Variants in COL14A1 observed in about 807,000 individuals in gnomAD.
The protein encoded by COL14A1 is collagen alpha-1(XIV) chain.
Under a neutral mutation model 230.3 loss-of-function variants are expected in COL14A1, and 136 were observed. The observed-to-expected ratio is 0.59, with a 90% CI of 0.51 to 0.68. The LOEUF is 0.68. Ranked by LOEUF, COL14A1 falls within the 30% of genes least tolerant of loss-of-function variation. The probability of loss-of-function intolerance (pLI) is 0.00; values close to 1 mark genes in which losing one functional copy is unlikely to be tolerated. For synonymous variants in COL14A1, 792 were observed against 784.1 expected, an observed-to-expected ratio of 1.01 and a Z score of -0.17; for missense variants, 1,976 against 2,215.8, an observed-to-expected ratio of 0.89 and a Z score of 2.17.
At chr8:120,292,829 T>C (rs979896308) in intron 34 of COL14A1, among the ~76,000 whole-genome samples, 8 of 152,094 alleles carry the variant, frequency 5.3e-5, no homozygotes, top group South Asian at 2.1e-4. Context: ...AGAAACTGTA[T>C]TCTTTTTAAA....
At chr8:120,254,777 G>A (rs1819084898) in intron 22 of COL14A1, among the ~76,000 whole-genome samples, 1 of 143,574 alleles carries the variant, frequency 7.0e-6, no homozygotes, top group African/African-American at 2.6e-5. Context: ...TTGAGCTCAG[G>A]AGTTTGAGAC....
intron 45 of COL14A1, among the ~76,000 whole-genome samples, chr8:120,360,945 C>G (rs1426632980): frequency 1.3e-5 from 2 of 152,262 alleles, no homozygotes; most frequent in East Asian, 3.9e-4. Context: ...CCCACCCCTG[C>G]CTCCTCTGCA....
chr8:120,133,315 A>G (rs2130391053), intron 1 of COL14A1, among the ~76,000 whole-genome samples: 2 of 152,106 alleles, frequency 1.3e-5, no homozygotes, highest in East Asian at 3.9e-4. Flanking sequence ...TGGAAAAAAT[A>G]ATACTGATAT....
intron 25 of COL14A1, among the ~76,000 whole-genome samples, chr8:120,269,426 A>G (rs890767655): frequency 1.3e-5 from 2 of 151,776 alleles, no homozygotes; most frequent in East Asian, 3.9e-4. Context: ...CTTGGCTAGC[A>G]TTAGTGTACA....
intron 1 of COL14A1, among the ~76,000 whole-genome samples, chr8:120,139,353 G>A (rs59060195): frequency 0.06 from 9,171 of 152,092 alleles, 968 homozygotes; most frequent in African/African-American, 0.21. Context: ...GAGTCAGGTC[G>A]CCCATGTCTT....
chr8:120,162,606 C>T, intron 4 of COL14A1, 37 bp downstream of exon 4: 1 of 1,535,476 alleles, frequency 6.5e-7, no homozygotes. Flanking sequence ...CTCCGCAGGA[C>T]TCTGTCCCAG....
At position 120,279,952 on chromosome 8, in the gene COL14A1, A is replaced by G. The variant is rs1181426504; in HGVS notation, c.3499A>G (p.Ile1167Val). 4 of 1,612,998 alleles carry G rather than the reference A, an allele frequency of 2.5e-6. No individual in the cohort carries two copies. Among genetic ancestry groups the G allele is most frequent in the Admixed American group, 1.7e-5 (1 of 59,764 alleles). Residue 1167 changes from isoleucine (I) to valine (V), a missense_variant, in exon 29 of 48, where the codon ATT (isoleucine) becomes GTT (valine). Ile to Val is a conservative substitution (Grantham distance 29). Coordinates refer to ENST00000297848, the MANE Select transcript of COL14A1 (RefSeq NM_021110.4). Reference sequence around the variant, plus strand: ...TGCCACAGGCTATAGCATTTTTGCAATTGGTGTGGCCGATGCAGATTACTC... The same window carrying G: ...TGCCACAGGCTATAGCATTTTTGCAGTTGGTGTGGCCGATGCAGATTACTC... ...MQLDGYSIFA[I>V]GVADADYSEL...
chr8:120,309,137 G>T (rs1290779176), intron 36 of COL14A1, among the ~76,000 whole-genome samples: 1 of 151,928 alleles, frequency 6.6e-6, no homozygotes, highest in Non-Finnish European at 1.5e-5. Flanking sequence ...GTGTTTCACC[G>T]TGTTAGCCAG....
chr8:120,338,418 C>G (rs1410264993), intron 42 of COL14A1, among the ~76,000 whole-genome samples: 1 of 152,084 alleles, frequency 6.6e-6, no homozygotes, highest in Non-Finnish European at 1.5e-5. Flanking sequence ...GGTTCAGGTC[C>G]CTGGTTTTTT....
At chr8:120,319,128 A>G (rs1821344153) in intron 40 of COL14A1, among the ~76,000 whole-genome samples, 3 of 151,522 alleles carry the variant, frequency 2.0e-5, no homozygotes, top group Admixed American at 2.0e-4. Flanking sequence ...TTCCTTTTAT[A>G]TTTTTGCCTT....
chr8:120,315,220 A>T (rs879837006), intron 38 of COL14A1, among the ~76,000 whole-genome samples: 14 of 151,984 alleles, frequency 9.2e-5, no homozygotes, highest in Non-Finnish European at 1.8e-4. Context: ...AAGTACAAAA[A>T]TTAGCTGGGT....
intron 14 of COL14A1, among the ~76,000 whole-genome samples, chr8:120,221,808 G>A (rs1273968157): frequency 1.3e-5 from 2 of 152,172 alleles, no homozygotes; most frequent in East Asian, 1.9e-4. Flanking sequence ...TCGGAAAATA[G>A]TTGTAAAAGC....
intron 44 of COL14A1, among the ~76,000 whole-genome samples, chr8:120,343,323 C>T (rs553462443): frequency 6.6e-6 from 1 of 152,334 alleles, no homozygotes; most frequent in East Asian, 1.9e-4. Context: ...AGCCCTCTCA[C>T]CCAATAGCAC....
chr8:120,154,418 C>A (rs1781195773), intron 2 of COL14A1, among the ~76,000 whole-genome samples: 1 of 152,114 alleles, frequency 6.6e-6, no homozygotes. Flanking sequence ...CCTTCACAAA[C>A]AAAGCACAAC....
At chr8:120,358,049 A>G (rs1197560786) in intron 45 of COL14A1, among the ~76,000 whole-genome samples, 1 of 152,234 alleles carries the variant, frequency 6.6e-6, no homozygotes, top group Non-Finnish European at 1.5e-5. Flanking sequence ...CTTTATAATT[A>G]GTAAAATATG....
At chr8:120,241,137 T>G (rs1244710849) in intron 19 of COL14A1, among the ~76,000 whole-genome samples, 1 of 152,232 alleles carries the variant, frequency 6.6e-6, no homozygotes, top group Admixed American at 6.5e-5. Flanking sequence ...CATGATAGTT[T>G]CAGATATTAA....
intron 36 of COL14A1, among the ~76,000 whole-genome samples, chr8:120,305,725 T>G (rs1481902193): frequency 6.6e-6 from 1 of 152,174 alleles, no homozygotes; most frequent in Non-Finnish European, 1.5e-5. Context: ...TTGTGTTACA[T>G]ATATATTTTT....
intron 23 of COL14A1, among the ~76,000 whole-genome samples, chr8:120,258,444 T>G (rs1161788544): frequency 1.3e-5 from 2 of 152,258 alleles, no homozygotes; most frequent in East Asian, 3.9e-4. Context: ...AAACTGACTG[T>G]TTGGACCTGG....
intron 33 of COL14A1, 48 bp from the exon 34 acceptor site, chr8:120,289,560 A>G (rs1820306914): frequency 1.3e-6 from 2 of 1,538,896 alleles, no homozygotes; most frequent in Non-Finnish European, 8.9e-7. Flanking sequence ...AATTTGGTTG[A>G]TATTTCCTTC....
Sources: gnomAD v4.1 joint callset for allele counts (sites outside exome capture counted in the v4.1 genomes callset) on GRCh38, gnomAD v4.1.1 for gene constraint, MANE v1.5 for transcripts, NCBI Gene and HGNC (gene_info 2026-07-23, HGNC 2026-07-21) for gene names.